CYLD: variants seen among roughly 807,000 people sequenced by gnomAD.
CYLD encodes the protein ubiquitin carboxyl-terminal hydrolase CYLD.
A neutral mutation model predicts 104.5 loss-of-function variants in CYLD; 26 were observed. That is an observed-to-expected ratio of 0.25 (90% CI 0.18 to 0.35). The LOEUF (loss-of-function observed/expected upper bound fraction) is 0.35, where lower values mean the gene tolerates loss of function less well. CYLD is among the 10% of genes least tolerant of loss of function. The pLI, the probability that CYLD is intolerant of heterozygous loss-of-function variation, is 1.00. For synonymous variants in CYLD, 385 were observed against 399.9 expected (o/e 0.96, Z 0.45); for missense variants, 703 against 1,136.1 (o/e 0.62, Z 5.48).
chr16:50,766,660 G>C (rs1026316579), intron 5 of CYLD, among the ~76,000 whole-genome samples: 2 of 152,158 alleles, frequency 1.3e-5, no homozygotes, highest in East Asian at 1.9e-4. Flanking sequence ...ATGGGAGGAG[G>C]TCAAAATATC....
intron 3 of CYLD, 134 bp downstream of exon 3, chr16:50,750,336 T>A: frequency 9.5e-7 from 1 of 1,050,192 alleles, no homozygotes; most frequent in Non-Finnish European, 1.4e-6. Flanking sequence ...TTTTTAATAT[T>A]CATCATCCTT....
Position 50,751,730 on chromosome 16 carries a change from G to T in CYLD, c.631G>T (p.Ala211Ser). The T allele has an allele frequency of 6.2e-7, 1 of 1,613,774 alleles. No homozygotes were observed. Among genetic ancestry groups the T allele is most frequent in the East Asian group, 2.2e-5 (1 of 44,866 alleles). The change falls in exon 4 of 19, where the codon GCA becomes TCA. Residue 211 changes from alanine to serine, a missense_variant. This residue lies in a region of CYLD where 123 missense variants were observed against 213.3 expected (regional missense o/e 0.58). Transcript: ENST00000427738. ...AGAACTCATAGAAGATGATGACACT[G>T]CATTGGAAAGTGATTACGCAGGTCC... ...KLELIEDDDTALESDYAGPGD... is the reference protein window; with the variant it reads ...KLELIEDDDTSLESDYAGPGD...
chr16:50,787,241 CT>C, intron 13 of CYLD: 1 of 384,418 alleles, frequency 2.6e-6, no homozygotes, highest in South Asian at 2.5e-5. Flanking sequence ...TTGTTTCTCT[CT>C]TGTGGTGCAG....
chr16:50,800,932 C>G lies in CYLD; in HGVS notation c.*4424C>G, dbSNP rs1175559536. ...TGAAAACTCACTGCAAAAGAGGAGG[C>G]AGAGGAAGAAGGAATGTAAACCCCT... On this transcript the variant is annotated 3_prime_UTR_variant, in exon 19 of 19. Transcript: ENST00000427738. 2 of 233,254 alleles carry G rather than the reference C, an allele frequency of 8.6e-6. No homozygotes were observed. The highest frequency in any genetic ancestry group is 5.6e-5 in the Admixed American group (1 of 17,770). The allele number at this position is 233,254 out of a possible 1,614,324, so 14.4% of individuals were successfully genotyped here.
At position 50,787,460 on chromosome 16, in the gene CYLD, A is replaced by G. The variant is rs1177869251; in HGVS notation, c.2042-326A>G. The G allele has an allele frequency of 1.3e-4, 40 of 308,366 alleles. 1 individual carries two copies. Among genetic ancestry groups the G allele is most frequent in the Non-Finnish European group, 1.8e-5 (3 of 164,100 alleles). 19.1% of individuals were successfully genotyped at this position (308,366 alleles called of 1,614,324 possible). On this transcript the variant is annotated intron_variant, in intron 13 of 18. Coordinates refer to ENST00000427738, the MANE Select transcript of CYLD (RefSeq NM_001378743.1). Reference sequence around the variant, plus strand: ...GCTGTAATGTTCAGAGGCTTGCAGGAAAAAACAGAGCATACTTCAGATTGT... The same window carrying G: ...GCTGTAATGTTCAGAGGCTTGCAGGGAAAAACAGAGCATACTTCAGATTGT...
chr16:50,751,158 C>T (rs970746662), intron 3 of CYLD, among the ~76,000 whole-genome samples: 5 of 152,222 alleles, frequency 3.3e-5, no homozygotes, highest in Admixed American at 6.5e-5. Context: ...AGCTACTTAA[C>T]TTCTCTCATT....
chr16:50,745,389 A>T, intron 2 of CYLD, among the ~76,000 whole-genome samples: 2 of 84,508 alleles, frequency 2.4e-5, no homozygotes, highest in African/African-American at 6.5e-5. Context: ...TTTTTTTGAG[A>T]CCAGGTCTTG....
intron 17 of CYLD, 141 bp downstream of exon 17, chr16:50,793,805 C>T (rs1971678332): frequency 1.4e-6 from 1 of 695,718 alleles, no homozygotes; most frequent in Non-Finnish European, 2.5e-6. Flanking sequence ...ATTGCTTTTG[C>T]CTTTTCTGTT....
chr16:50,779,843 T>G lies in CYLD; in HGVS notation c.1317T>G (p.Ser439=). ...TNGSIGHSPL[S]LSAQSVMEEL... ...GAAGTATTGGCCACAGTCCACTTTC[T>G]CTGTCAGCCCAGTCTGTAATGGAAG... Residue 439 remains serine, a synonymous_variant, in exon 9 of 19, where the codon TCT becomes TCG. Coordinates refer to ENST00000427738, the MANE Select transcript of CYLD (RefSeq NM_001378743.1). The G allele has an allele frequency of 6.2e-7, 1 of 1,613,588 alleles. No homozygotes were observed. The highest frequency in any genetic ancestry group is 2.2e-5 in the East Asian group (1 of 44,818).
rs762474804 is a variant in CYLD, at chr16:50,796,554, C to G, written c.*46C>G. 6.3e-7 allele frequency: 1 copy of G among 1,584,554 alleles called. No individual in the cohort carries two copies. Among genetic ancestry groups the G allele is most frequent in the Admixed American group, 1.7e-5 (1 of 59,976 alleles). ...AAAGAAACTGAAGGCAGAGTCCTAACGTTGCATCTTATTCGAGCTGGCAGT... is the reference window on the plus strand; with the variant it reads ...AAAGAAACTGAAGGCAGAGTCCTAAGGTTGCATCTTATTCGAGCTGGCAGT... On this transcript the variant is annotated 3_prime_UTR_variant, in exon 19 of 19. Coordinates refer to ENST00000427738, the MANE Select transcript of CYLD (RefSeq NM_001378743.1).
At chr16:50,780,155 C>A in intron 9 of CYLD, 111 bp downstream of exon 9, 1 of 1,306,438 alleles carries the variant, frequency 7.7e-7, no homozygotes, top group African/African-American at 1.4e-5. Flanking sequence ...GAAAAGCTAT[C>A]ACTGCAGAAT....
chr16:50,790,086 G>A (rs1365956912), intron 14 of CYLD, among the ~76,000 whole-genome samples: 1 of 152,172 alleles, frequency 6.6e-6, no homozygotes, highest in Non-Finnish European at 1.5e-5. Context: ...ATAGGGAAAA[G>A]GCAATGTTTC....
intron 5 of CYLD, among the ~76,000 whole-genome samples, chr16:50,772,007 C>A (rs1261188283): frequency 6.6e-6 from 1 of 152,142 alleles, no homozygotes; most frequent in African/African-American, 2.4e-5. Context: ...CTACTTTATT[C>A]TTTTCCAAAA....
chr16:50,775,295 C>A (rs1969559449), intron 6 of CYLD, 121 bp downstream of exon 6: 2 of 754,032 alleles, frequency 2.7e-6, no homozygotes, highest in Admixed American at 2.4e-5. Context: ...ATTCTATGAT[C>A]ATTGCTGGGC....
At chr16:50,755,969 C>T (rs1162430748) in intron 5 of CYLD, among the ~76,000 whole-genome samples, 1 of 152,098 alleles carries the variant, frequency 6.6e-6, no homozygotes, top group Non-Finnish European at 1.5e-5. Context: ...CCAATGTTAT[C>T]CTCTAGAATC....
chr16:50,750,130 A>G lies in CYLD; in HGVS notation c.432A>G (p.Gly144=). 1 of 1,614,086 alleles carries G rather than the reference A, an allele frequency of 6.2e-7. No homozygotes were observed. The highest frequency in any genetic ancestry group is 1.1e-5 in the South Asian group (1 of 91,076). ...GATCTGGGGAAGAAAAATTTCCTGG[A>G]GTTGTACGCTTCAGAGGACCCCTGT... The part of the protein sequence containing the change: ...QLRSGEEKFP[G]VVRFRGPLLA... Residue 144 remains glycine, a synonymous_variant, in exon 3 of 19, where the codon GGA becomes GGG. Coordinates refer to ENST00000427738, the MANE Select transcript of CYLD (RefSeq NM_001378743.1).
At chr16:50,755,024 CATAT>C (rs1378395800) in intron 5 of CYLD, among the ~76,000 whole-genome samples, 1 of 96,574 alleles carries the variant, frequency 1.0e-5, no homozygotes, top group Non-Finnish European at 2.1e-5. Flanking sequence ...TGTATATATA[CATAT>C]ATATGTATAT....
intron 14 of CYLD, among the ~76,000 whole-genome samples, chr16:50,789,570 C>T (rs1318506274): frequency 2.0e-5 from 3 of 151,994 alleles, no homozygotes; most frequent in Admixed American, 2.0e-4. Context: ...GGTACACTGT[C>T]CCCTTCACCC....
At chr16:50,771,041 C>G (rs1011971078) in intron 5 of CYLD, among the ~76,000 whole-genome samples, 1 of 152,052 alleles carries the variant, frequency 6.6e-6, no homozygotes, top group Non-Finnish European at 1.5e-5. Flanking sequence ...TTGTTTAGCT[C>G]TACATATGGA....
Sources: gnomAD v4.1 joint callset for allele counts (sites outside exome capture counted in the v4.1 genomes callset) on GRCh38, gnomAD v4.1.1 for gene constraint, gnomAD v4.1.1 regional missense constraint, MANE v1.5 for transcripts, NCBI Gene and HGNC (gene_info 2026-07-23, HGNC 2026-07-21) for gene names.